CLYBL: variants seen among roughly 807,000 people sequenced by gnomAD.
The protein encoded by CLYBL is citramalyl-CoA lyase, mitochondrial.
A neutral mutation model predicts 38.9 loss-of-function variants in CLYBL; 31 were observed. That is an observed-to-expected ratio of 0.80 (90% CI 0.60 to 1.08). The LOEUF (loss-of-function observed/expected upper bound fraction) is 1.08. CLYBL is among the 50% of genes least tolerant of loss of function. The pLI, the probability that CLYBL is intolerant of heterozygous loss-of-function variation, is 0.00. For missense variants in CLYBL, 434 were observed against 411.6 expected, an observed-to-expected ratio of 1.05 and a Z score of -0.47; for synonymous variants, 171 against 158.6, an observed-to-expected ratio of 1.08 and a Z score of -0.59.
intron 2 of CLYBL, among the ~76,000 whole-genome samples, chr13:99,817,579 C>T (rs922882718): frequency 3.4e-5 from 5 of 146,212 alleles, no homozygotes; most frequent in Middle Eastern, 7.5e-3. Context: ...GGCGTGAACC[C>T]GGGAGGCAGA....
chr13:99,806,438 C>A (rs746337596), intron 2 of CLYBL, among the ~76,000 whole-genome samples: 15 of 152,086 alleles, frequency 9.9e-5, no homozygotes, highest in Non-Finnish European at 1.8e-4. Flanking sequence ...CTCATTACAC[C>A]TTTTACCCAG....
chr13:99,808,797 C>A (rs2050282600), intron 2 of CLYBL, among the ~76,000 whole-genome samples: 1 of 152,154 alleles, frequency 6.6e-6, no homozygotes, highest in Admixed American at 6.5e-5. Flanking sequence ...AACTTAAAAA[C>A]CAAAGTAACC....
intron 2 of CLYBL, among the ~76,000 whole-genome samples, chr13:99,814,072 C>T (rs553022666): frequency 9.2e-5 from 14 of 152,318 alleles, no homozygotes; most frequent in Admixed American, 8.5e-4. Flanking sequence ...CACAAGTGGC[C>T]CAACAAGGTT....
At chr13:99,721,799 G>A (rs2048397371) in intron 1 of CLYBL, among the ~76,000 whole-genome samples, 1 of 152,066 alleles carries the variant, frequency 6.6e-6, no homozygotes, top group South Asian at 2.1e-4. Context: ...CCTTGGCGTG[G>A]TAGGTTAGTT....
At chr13:99,681,596 A>AT (rs1293185257) in intron 1 of CLYBL, among the ~76,000 whole-genome samples, 1 of 151,732 alleles carries the variant, frequency 6.6e-6, no homozygotes, top group Non-Finnish European at 1.5e-5. Flanking sequence ...TTTTATTTTT[A>AT]TTTTTTTTGA....
At chr13:99,795,510 C>T (rs2050003543) in intron 2 of CLYBL, among the ~76,000 whole-genome samples, 1 of 151,982 alleles carries the variant, frequency 6.6e-6, no homozygotes, top group Admixed American at 6.6e-5. Flanking sequence ...AAAAATTACC[C>T]AGGCATGGTG....
chr13:99,637,962 C>CTTTTTTTTTT (rs34513643), intron 1 of CLYBL, among the ~76,000 whole-genome samples: 6,854 of 94,496 alleles, frequency 0.073, 898 homozygotes, highest in East Asian at 0.1. Flanking sequence ...TCAACAGTGC[C>CTTTTTTTTTT]TTTTTTTTTT....
chr13:99,641,184 A>G (rs1174417560), intron 1 of CLYBL, among the ~76,000 whole-genome samples: 1 of 152,214 alleles, frequency 6.6e-6, no homozygotes, highest in African/African-American at 2.4e-5. Context: ...TAGTTGATAC[A>G]ACCTCAATGA....
intron 2 of CLYBL, among the ~76,000 whole-genome samples, chr13:99,824,258 C>CCA (rs1555313212): frequency 9.3e-5 from 3 of 32,186 alleles, no homozygotes; most frequent in Admixed American, 3.0e-4. Flanking sequence ...TGACTAATAG[C>CCA]CCCCCCCACC....
At chr13:99,899,726 G>A (rs2075100020), downstream of CLYBL, among the ~76,000 whole-genome samples, 1 of 151,964 alleles carries the variant, frequency 6.6e-6, no homozygotes, top group Non-Finnish European at 1.5e-5. Context: ...AAATAAAGAG[G>A]AAAAACTAAT....
intron 1 of CLYBL, among the ~76,000 whole-genome samples, chr13:99,613,975 G>A (rs1402550797): frequency 6.6e-6 from 1 of 152,136 alleles, no homozygotes; most frequent in Non-Finnish European, 1.5e-5. Flanking sequence ...GACTGTCCTG[G>A]GTTTAGCATG....
rs184957438 is a variant in CLYBL at position 99,891,741 on chromosome 13, C to A, written c.*24+304C>A. 2.3e-5 allele frequency: 5 copies of A among 222,184 alleles called. No individual in the cohort carries two copies. In the South Asian group the frequency reaches 2.4e-4, roughly 11 times the overall value. The allele number at this position is 222,184 out of a possible 1,614,324, so 13.8% of individuals were successfully genotyped here. A position where few individuals can be genotyped will look rare whatever the true frequency, so the allele number is the denominator to read the frequency against. On this transcript the variant is annotated intron_variant, in intron 8 of 8. Coordinates refer to ENST00000339105, the MANE Select transcript of CLYBL (RefSeq NM_206808.5). ...AGGTCTTTAATGAAATGGATCTTTC[C>A]CAAATAGACATATTCCCTCCACCCT...
rs150584572 is a variant in CLYBL at position 99,761,990 on chromosome 13, T to C, written c.63-10834T>C. Among the ~76,000 whole-genome samples, 15 of 152,332 alleles carry C rather than the reference T, an allele frequency of 9.8e-5. No homozygotes were observed. In the East Asian group the frequency reaches 2.9e-3, roughly 29 times the overall value. On this transcript the variant is annotated intron_variant, in intron 1 of 8. Transcript: ENST00000339105. ...ATTTCAGAAATATCTGTTCAGACCT[T>C]TTGTCTGTTTTTAAATTGGATTTTT...
intron 2 of CLYBL, among the ~76,000 whole-genome samples, chr13:99,789,115 T>C (rs2049862263): frequency 6.6e-6 from 1 of 152,174 alleles, no homozygotes; most frequent in Admixed American, 6.5e-5. Context: ...TTGCTAGCGG[T>C]CTATCAATTT....
At chr13:99,827,451 A>G (rs1285766612) in intron 2 of CLYBL, among the ~76,000 whole-genome samples, 1 of 152,140 alleles carries the variant, frequency 6.6e-6, no homozygotes, top group Non-Finnish European at 1.5e-5. Context: ...CAGTCACACA[A>G]AAAAGTCCCC....
chr13:99,854,933 AT>A (rs2051422654), intron 2 of CLYBL, among the ~76,000 whole-genome samples: 1 of 152,156 alleles, frequency 6.6e-6, no homozygotes, highest in Admixed American at 6.5e-5. Context: ...ACTGAGCAGC[AT>A]GGCACGAAAT....
At chr13:99,732,954 A>G (rs923618603) in intron 1 of CLYBL, among the ~76,000 whole-genome samples, 5 of 152,230 alleles carry the variant, frequency 3.3e-5, no homozygotes, top group African/African-American at 1.2e-4. Context: ...ATGCTTTACA[A>G]ATAATTATTA....
intron 1 of CLYBL, among the ~76,000 whole-genome samples, chr13:99,676,113 C>T (rs2047640257): frequency 6.6e-6 from 1 of 152,160 alleles, no homozygotes; most frequent in East Asian, 1.9e-4. Flanking sequence ...GCCTCGGCCT[C>T]CCATGGTGCT....
chr13:99,668,887 G>A (rs1328889085), intron 1 of CLYBL, among the ~76,000 whole-genome samples: 1 of 152,164 alleles, frequency 6.6e-6, no homozygotes, highest in Non-Finnish European at 1.5e-5. Flanking sequence ...GGTGAAGAGT[G>A]CAGAAGCCAG....
Sources: allele counts gnomAD v4.1 joint callset (sites outside exome capture counted in the v4.1 genomes callset), GRCh38; gene constraint gnomAD v4.1.1; transcripts MANE v1.5; gene names NCBI Gene and HGNC (gene_info 2026-07-23, HGNC 2026-07-21).